The following SHTN1 variants were observed in gnomAD, a reference collection of about 807,000 sequenced individuals.
The protein encoded by SHTN1 is shootin-1.
Under a neutral mutation model 83.1 loss-of-function variants are expected in SHTN1, and 42 were observed. That is an observed-to-expected ratio of 0.51 (90% CI 0.39 to 0.65). SHTN1 has a LOEUF of 0.65. Ranked by LOEUF, SHTN1 falls within the 30% of genes least tolerant of loss-of-function variation. The probability of loss-of-function intolerance (pLI) is 0.00; values close to 1 mark genes in which losing one functional copy is unlikely to be tolerated. For missense variants in SHTN1, 622 were observed against 737.8 expected, an observed-to-expected ratio of 0.84 and a Z score of 1.82; for synonymous variants, 224 against 247.7, an observed-to-expected ratio of 0.90 and a Z score of 0.90.
chr10:117,067,619 A>T (rs1400016209), intron 1 of SHTN1, among the ~76,000 whole-genome samples: 1 of 152,142 alleles, frequency 6.6e-6, no homozygotes, highest in Non-Finnish European at 1.5e-5. Context: ...AATAAAAAAA[A>T]ATTTTAAAAT....
At chr10:117,119,392 TA>T (rs1853892811) in intron 1 of SHTN1, among the ~76,000 whole-genome samples, 1 of 152,138 alleles carries the variant, frequency 6.6e-6, no homozygotes. Flanking sequence ...AGGATTTCAA[TA>T]GACATTTCTC....
intron 9 of SHTN1, among the ~76,000 whole-genome samples, chr10:116,936,972 G>C (rs984930743): frequency 6.6e-6 from 1 of 151,922 alleles, no homozygotes. Flanking sequence ...TTATCAGAGA[G>C]TAGGATTGCA....
At chr10:117,124,205 A>G (rs1168003460) in intron 1 of SHTN1, among the ~76,000 whole-genome samples, 2 of 143,050 alleles carry the variant, frequency 1.4e-5, no homozygotes, top group Non-Finnish European at 3.1e-5. Flanking sequence ...GAGCAAGATT[A>G]TGTCTCAAAA....
chr10:116,933,553 T>C lies in SHTN1; in HGVS notation c.859-3551A>G, dbSNP rs552778220. 7.3e-4 allele frequency among the ~76,000 whole-genome samples: 111 copies of C among 152,332 alleles called. 2 individuals carry two copies. The South Asian group carries it at 0.022, about 30-fold the overall frequency. Reference sequence around the variant, plus strand: ...TGGTGTATATGTGCCACATTTTCTTTATCCAGTCTATCATTGATGGGCATT... The same window carrying C: ...TGGTGTATATGTGCCACATTTTCTTCATCCAGTCTATCATTGATGGGCATT... On this transcript the variant is annotated intron_variant, in intron 9 of 16. Coordinates refer to ENST00000355371, the MANE Select transcript of SHTN1 (RefSeq NM_001127211.3).
At chr10:116,924,715 G>C (rs1848678404) in intron 11 of SHTN1, among the ~76,000 whole-genome samples, 1 of 145,850 alleles carries the variant, frequency 6.9e-6, no homozygotes, top group Admixed American at 6.9e-5. Context: ...GTCATCCCAA[G>C]ATGGAACATT....
chr10:116,890,282 T>C (rs915993951), intron 16 of SHTN1, among the ~76,000 whole-genome samples: 1 of 152,200 alleles, frequency 6.6e-6, no homozygotes, highest in Non-Finnish European at 1.5e-5. Context: ...AATCTGCAAG[T>C]AAAACTTAAA....
chr10:116,971,495 TAGG>T (rs1359962234), intron 2 of SHTN1, among the ~76,000 whole-genome samples: 1 of 152,172 alleles, frequency 6.6e-6, no homozygotes, highest in Non-Finnish European at 1.5e-5. Flanking sequence ...CCCTTAATGA[TAGG>T]AGACTTCTGG....
rs6144113 is a variant in SHTN1, at chr10:116,893,576, G to GCACACACACA, written c.1674-7020_1674-7011dup. Among the ~76,000 whole-genome samples the GCACACACACA allele has an allele frequency of 1.5e-3, 188 of 123,592 alleles. 5 individuals are homozygous for GCACACACACA. Among genetic ancestry groups the GCACACACACA allele is most frequent in the Admixed American group, 2.3e-3 (27 of 11,842 alleles). 81.1% of individuals were successfully genotyped at this position (123,592 alleles called of 152,430 possible). ...CCCCCTCCCTGATAGGCACTCATGT[G>GCACACACACA]CACACACACACACACACACACGAGA... On this transcript the variant is annotated intron_variant, in intron 16 of 16. Transcript: ENST00000355371.
At chr10:117,009,700 T>C (rs527344632), upstream of SHTN1, among the ~76,000 whole-genome samples, 60 of 151,978 alleles carry the variant, frequency 3.9e-4, no homozygotes, top group Non-Finnish European at 7.1e-4. Flanking sequence ...GTCAGGAGAT[T>C]GAGACCATCC....
intron 12 of SHTN1, among the ~76,000 whole-genome samples, chr10:116,916,047 T>C (rs1298546856): frequency 2.0e-5 from 3 of 152,232 alleles, no homozygotes; most frequent in African/African-American, 7.2e-5. Context: ...AGGAAACATT[T>C]AAGCAAACCT....
At chr10:117,029,820 C>T (rs567866420) in intron 2 of SHTN1, among the ~76,000 whole-genome samples, 3 of 152,026 alleles carry the variant, frequency 2.0e-5, no homozygotes, top group Non-Finnish European at 4.4e-5. Context: ...ATACCATGAG[C>T]CAGTTAAACC....
chr10:117,000,700 G>A (rs1221689364), intron 1 of SHTN1, among the ~76,000 whole-genome samples: 1 of 152,146 alleles, frequency 6.6e-6, no homozygotes, highest in East Asian at 1.9e-4. Context: ...TCATGGTAGT[G>A]CACCCCATTC....
upstream of SHTN1, chr10:117,005,272 G>A (rs1851977486): frequency 6.3e-6 from 9 of 1,439,858 alleles, no homozygotes; most frequent in Non-Finnish European, 2.7e-6. Flanking sequence ...CGGCGGCTGC[G>A]GCCGCTTCAC....
At chr10:116,964,458 C>G (rs1241087897) in intron 3 of SHTN1, among the ~76,000 whole-genome samples, 1 of 152,200 alleles carries the variant, frequency 6.6e-6, no homozygotes, top group Non-Finnish European at 1.5e-5. Context: ...GGTGTCACCA[C>G]CAATGATGTT....
At chr10:116,898,684 A>T (rs1847608919) in intron 16 of SHTN1, among the ~76,000 whole-genome samples, 1 of 152,194 alleles carries the variant, frequency 6.6e-6, no homozygotes, top group Admixed American at 6.5e-5. Flanking sequence ...GAAACAGAAT[A>T]AATTAGGCTT....
At chr10:116,892,948 T>C (rs1363267412) in intron 16 of SHTN1, among the ~76,000 whole-genome samples, 2 of 152,224 alleles carry the variant, frequency 1.3e-5, no homozygotes, top group African/African-American at 4.8e-5. Context: ...AATGGTATAT[T>C]TTATACAAAG....
intron 1 of SHTN1, among the ~76,000 whole-genome samples, chr10:117,108,434 A>T (rs12219688): frequency 0.19 from 29,526 of 151,526 alleles, 3,127 homozygotes; most frequent in East Asian, 0.43. Flanking sequence ...GGAAACCATC[A>T]TTCTCAGCAA....
At chr10:117,065,758 A>G (rs1233799501) in intron 1 of SHTN1, among the ~76,000 whole-genome samples, 1 of 53,760 alleles carries the variant, frequency 1.9e-5, no homozygotes, top group South Asian at 9.0e-4. Context: ...GAAAGAAAGA[A>G]AGAAAGAAAG....
At chr10:117,057,893 T>C (rs959789028) in intron 1 of SHTN1, among the ~76,000 whole-genome samples, 1 of 152,192 alleles carries the variant, frequency 6.6e-6, no homozygotes, top group Non-Finnish European at 1.5e-5. Context: ...CAGGAAAGTA[T>C]GACCCACTCA....
Sources: gnomAD v4.1 joint callset for allele counts (sites outside exome capture counted in the v4.1 genomes callset) on GRCh38, gnomAD v4.1.1 for gene constraint, MANE v1.5 for transcripts, NCBI Gene and HGNC (gene_info 2026-07-23, HGNC 2026-07-21) for gene names.